The following SLC35F3 variants were observed in gnomAD, a reference collection of about 807,000 sequenced individuals.
The protein encoded by SLC35F3 is putative thiamine transporter SLC35F3.
Under a neutral mutation model 49.9 loss-of-function variants are expected in SLC35F3, and 25 were observed. The observed-to-expected ratio is 0.50, with a 90% confidence interval of 0.37 to 0.70. The LOEUF (loss-of-function observed/expected upper bound fraction) is 0.70, where lower values mean the gene tolerates loss of function less well. Ranked by LOEUF, SLC35F3 falls within the 30% of genes least tolerant of loss-of-function variation. The pLI is 0.00. For missense variants in SLC35F3, 525 were observed against 639.8 expected (o/e 0.82, Z 1.94); for synonymous variants, 275 against 265.4 (o/e 1.04, Z -0.35).
chr1:234,275,605 A>G (rs932947878), intron 3 of SLC35F3, among the ~76,000 whole-genome samples: 1 of 151,326 alleles, frequency 6.6e-6, no homozygotes, highest in Non-Finnish European at 1.5e-5. Flanking sequence ...ACAGACAGAC[A>G]CACACACACA....
intron 2 of SLC35F3, among the ~76,000 whole-genome samples, chr1:234,049,404 G>T (rs1434100813): frequency 6.6e-6 from 1 of 151,916 alleles, no homozygotes; most frequent in Non-Finnish European, 1.5e-5. Flanking sequence ...TCCTGTGTGT[G>T]TGTGTGCACA....
At chr1:234,066,134 G>A (rs1178284491) in intron 2 of SLC35F3, among the ~76,000 whole-genome samples, 1 of 152,172 alleles carries the variant, frequency 6.6e-6, no homozygotes, top group East Asian at 1.9e-4. Flanking sequence ...GAATTCCAAG[G>A]AATTCCAGTT....
At position 234,156,978 on chromosome 1, in the gene SLC35F3, G is replaced by A. The variant is rs527325878; in HGVS notation, c.284-74439G>A. Among the ~76,000 whole-genome samples the A allele has an allele frequency of 3.7e-4, 57 of 152,218 alleles. 1 individual carries two copies. The South Asian group carries it at 8.9e-3, about 24-fold the overall frequency. ...TTGAGGAGGGTGGGAAATAGAGAGT[G>A]AATGCTAACGGGTACAGAGATTTTG... On this transcript the variant is annotated intron_variant, in intron 2 of 7. Coordinates refer to ENST00000366618, the MANE Select transcript of SLC35F3 (RefSeq NM_173508.4).
chr1:234,286,025 A>G (rs1366464193), intron 3 of SLC35F3, among the ~76,000 whole-genome samples: 1 of 152,256 alleles, frequency 6.6e-6, no homozygotes, highest in Non-Finnish European at 1.5e-5. Flanking sequence ...TGGTAAAATC[A>G]TAAAACTTAC....
intron 2 of SLC35F3, among the ~76,000 whole-genome samples, chr1:233,975,864 C>A (rs77245480): frequency 0.025 from 3,744 of 152,282 alleles, 115 homozygotes; most frequent in East Asian, 0.17. Flanking sequence ...GCTTTCTGCT[C>A]CTCTGTTTCC....
At chr1:234,116,487 A>G (rs935144552) in intron 2 of SLC35F3, among the ~76,000 whole-genome samples, 3 of 34,284 alleles carry the variant, frequency 8.8e-5, no homozygotes, top group Non-Finnish European at 1.4e-4. Flanking sequence ...CCTCCCTCCC[A>G]CCCCCCATTA....
intron 2 of SLC35F3, among the ~76,000 whole-genome samples, chr1:234,121,717 T>G (rs897064506): frequency 2.0e-5 from 3 of 152,116 alleles, no homozygotes; most frequent in Admixed American, 2.0e-4. Flanking sequence ...TCCACCATCC[T>G]CCCACCCCCT....
At chr1:234,285,391 A>G in intron 3 of SLC35F3, 1 of 469,248 alleles carries the variant, frequency 2.1e-6, no homozygotes, top group Non-Finnish European at 4.3e-6. Flanking sequence ...GCCAAGAGAG[A>G]TGAATTAATC....
chr1:233,989,619 A>C (rs1663321139), intron 2 of SLC35F3, among the ~76,000 whole-genome samples: 1 of 152,206 alleles, frequency 6.6e-6, no homozygotes, highest in Non-Finnish European at 1.5e-5. Flanking sequence ...CATGTTTTAA[A>C]ATATTTCTAG....
At chr1:234,144,911 G>C (rs996921461) in intron 2 of SLC35F3, among the ~76,000 whole-genome samples, 13 of 152,332 alleles carry the variant, frequency 8.5e-5, no homozygotes, top group Middle Eastern at 3.4e-3. Context: ...TGTGGGAGCA[G>C]GGAGAGGAGT....
At chr1:234,022,404 C>T (rs544094864) in intron 2 of SLC35F3, among the ~76,000 whole-genome samples, 9 of 152,296 alleles carry the variant, frequency 5.9e-5, no homozygotes, top group South Asian at 2.1e-4. Flanking sequence ...AAAGAGTCAA[C>T]GCTGCAGCTT....
At chr1:233,989,950 A>G (rs979558603) in intron 2 of SLC35F3, among the ~76,000 whole-genome samples, 1 of 152,164 alleles carries the variant, frequency 6.6e-6, no homozygotes, top group Non-Finnish European at 1.5e-5. Context: ...TTTGATCCCC[A>G]TGTCTTTGTA....
chr1:233,905,418 G>C (rs1661757224), intron 1 of SLC35F3, 111 bp from the exon 2 acceptor site: 2 of 848,838 alleles, frequency 2.4e-6, no homozygotes, highest in Non-Finnish European at 3.6e-6. Context: ...GCCCCCGGAG[G>C]GCCCCGGCCG....
intron 6 of SLC35F3, 22 bp downstream of exon 6, chr1:234,318,965 A>G: frequency 6.2e-7 from 1 of 1,600,588 alleles, no homozygotes; most frequent in Non-Finnish European, 8.5e-7. Flanking sequence ...TCACCTGTCC[A>G]GAATTCCCAG....
At chr1:233,931,837 T>G (rs2102793883) in intron 2 of SLC35F3, among the ~76,000 whole-genome samples, 1 of 152,290 alleles carries the variant, frequency 6.6e-6, no homozygotes, top group South Asian at 2.1e-4. Context: ...TAAAGACACA[T>G]GTACACGTAT....
At position 233,985,615 on chromosome 1, in the gene SLC35F3, T is replaced by C. The variant is rs562355287; in HGVS notation, c.283+79857T>C. ...TCCATCTAATTCTAATTACAATCAT[T>C]GGTACGTGATGTAAGTTAGTGAGAG... On this transcript the variant is annotated intron_variant, in intron 2 of 7. Coordinates refer to ENST00000366618, the MANE Select transcript of SLC35F3 (RefSeq NM_173508.4). 2.0e-5 allele frequency among the ~76,000 whole-genome samples: 3 copies of C among 152,340 alleles called. No individual in the cohort carries two copies. The South Asian group carries it at 6.2e-4, about 32-fold the overall frequency.
chr1:234,193,069 T>G (rs1666753739), intron 2 of SLC35F3, among the ~76,000 whole-genome samples: 1 of 152,050 alleles, frequency 6.6e-6, no homozygotes, highest in African/African-American at 2.4e-5. Context: ...AATGCTACCA[T>G]CATTCTTCAC....
At chr1:233,948,458 C>A (rs994943474) in intron 2 of SLC35F3, among the ~76,000 whole-genome samples, 1 of 151,578 alleles carries the variant, frequency 6.6e-6, no homozygotes. Context: ...CAAGTGGGTA[C>A]CACAACAGTT....
intron 2 of SLC35F3, among the ~76,000 whole-genome samples, chr1:234,058,858 A>G (rs1664496607): frequency 6.6e-6 from 1 of 151,884 alleles, no homozygotes; most frequent in South Asian, 2.1e-4. Flanking sequence ...TTTACTCATT[A>G]TGTATCTATT....
Sources: gnomAD v4.1 joint callset for allele counts (sites outside exome capture counted in the v4.1 genomes callset) on GRCh38, gnomAD v4.1.1 for gene constraint, MANE v1.5 for transcripts, NCBI Gene and HGNC (gene_info 2026-07-23, HGNC 2026-07-21) for gene names.